The following ANO10 variants were observed in gnomAD, a reference collection of about 807,000 sequenced individuals.
The protein encoded by ANO10 is anoctamin 10, also known as anoctamin-10.
ANO10 carries 77 observed loss-of-function variants against 74.7 expected under a neutral mutation model. That is an observed-to-expected ratio of 1.03 (90% CI 0.86 to 1.25). The LOEUF is 1.25. Among genes scored for constraint, ANO10 ranks in the 50% most tolerant of loss-of-function variants. The pLI is 0.00. For synonymous variants in ANO10, 279 were observed against 284.9 expected (o/e 0.98, Z 0.21); for missense variants, 721 against 778.1 (o/e 0.93, Z 0.87).
At chr3:43,455,012 CCT>C (rs1357288840) in intron 11 of ANO10, among the ~76,000 whole-genome samples, 2 of 152,010 alleles carry the variant, frequency 1.3e-5, no homozygotes, top group African/African-American at 4.8e-5. Flanking sequence ...GAATCCAGCC[CCT>C]GAGTGTGGAG....
intron 11 of ANO10, 41 bp from the exon 12 acceptor site, chr3:43,432,768 AC>A: frequency 8.2e-7 from 1 of 1,222,344 alleles, no homozygotes; most frequent in Non-Finnish European, 1.2e-6. Context: ...GATACATCAG[AC>A]CATATATGCA....
intron 1 of ANO10, among the ~76,000 whole-genome samples, chr3:43,614,771 C>CTATATATATATATATATATATATATATA (rs61084802): frequency 9.5e-5 from 5 of 52,700 alleles, no homozygotes; most frequent in African/African-American, 1.5e-4. Context: ...GAAAACTAAA[C>CTATATATATATATATATATATATATATA]TATATATATA....
chr3:43,602,698 A>G (rs2082391102), intron 2 of ANO10, among the ~76,000 whole-genome samples: 2 of 152,176 alleles, frequency 1.3e-5, no homozygotes, highest in Non-Finnish European at 2.9e-5. Context: ...CATTTTTCTC[A>G]GATGTTTGGT....
intron 4 of ANO10, among the ~76,000 whole-genome samples, chr3:43,584,655 G>C (rs147736069): frequency 6.6e-6 from 1 of 152,210 alleles, no homozygotes; most frequent in African/African-American, 2.4e-5. Context: ...GCTGGAACCT[G>C]ACCCCAAGCA....
At chr3:43,503,485 G>A (rs1444961560) in intron 11 of ANO10, among the ~76,000 whole-genome samples, 1 of 152,138 alleles carries the variant, frequency 6.6e-6, no homozygotes, top group African/African-American at 2.4e-5. Context: ...AAAGCCACAA[G>A]GCAAGTTTAT....
rs555922302 is a variant in ANO10, at chr3:43,538,457, C to A, written c.1797+11263G>T. Among the ~76,000 whole-genome samples, 7 of 152,028 alleles carry A rather than the reference C, an allele frequency of 4.6e-5. No homozygotes were observed. In the South Asian group the frequency reaches 1.5e-3, roughly 32 times the overall value. On this transcript the variant is annotated intron_variant, in intron 11 of 12. Transcript: ENST00000292246. ...AGAAATTCAGAAAAAATTTTTAAAACGGAAATAAAACAAGTTATGTGAAAA... is the reference window on the plus strand; with the variant it reads ...AGAAATTCAGAAAAAATTTTTAAAAAGGAAATAAAACAAGTTATGTGAAAA...
chr3:43,614,132 C>T (rs2082969214), intron 1 of ANO10, among the ~76,000 whole-genome samples: 1 of 152,190 alleles, frequency 6.6e-6, no homozygotes, highest in African/African-American at 2.4e-5. Context: ...TATCTGGGGA[C>T]ACGCATCAAA....
chr3:43,652,114 G>T (rs984829284), intron 1 of ANO10, among the ~76,000 whole-genome samples: 2 of 138,348 alleles, frequency 1.4e-5, no homozygotes, highest in Admixed American at 8.3e-5. Flanking sequence ...AATCTTGGCC[G>T]CCTTTTTTTT....
rs571616072 is a variant in ANO10, at chr3:43,567,424, A to T, written c.1219-1697T>A. ...ATATGAAGGAAAAAATGTTAAGGGC[A>T]GCCACAGAGAAAGGTCGGGTTACCC... On this transcript the variant is annotated intron_variant, in intron 7 of 12. Transcript: ENST00000292246. Among the ~76,000 whole-genome samples, 112 of 152,330 alleles carry T rather than the reference A, an allele frequency of 7.4e-4. 2 individuals are homozygous for T. Among genetic ancestry groups the T allele is most frequent in the African/African-American group, 2.6e-3 (108 of 41,578 alleles).
intron 11 of ANO10, among the ~76,000 whole-genome samples, chr3:43,517,186 A>G (rs952602322): frequency 2.0e-5 from 3 of 152,242 alleles, no homozygotes; most frequent in African/African-American, 7.2e-5. Context: ...TACACAAAAC[A>G]ATTTTATTGA....
chr3:43,539,031 A>C (rs964280335), intron 11 of ANO10, among the ~76,000 whole-genome samples: 1 of 152,148 alleles, frequency 6.6e-6, no homozygotes, highest in Non-Finnish European at 1.5e-5. Context: ...ATGGGCTATA[A>C]AGTTTTCATC....
chr3:43,594,246 C>G (rs911767355), intron 4 of ANO10, among the ~76,000 whole-genome samples: 1 of 152,198 alleles, frequency 6.6e-6, no homozygotes, highest in Non-Finnish European at 1.5e-5. Context: ...GAACTCAGCT[C>G]TCCACCAAGC....
At chr3:43,367,353 G>C (rs1009491872) in intron 12 of ANO10, among the ~76,000 whole-genome samples, 15 of 152,212 alleles carry the variant, frequency 9.9e-5, no homozygotes, top group African/African-American at 3.4e-4. Flanking sequence ...GACCCTGGCA[G>C]TTTGACCTCA....
chr3:43,451,196 G>C (rs555204727), intron 11 of ANO10, among the ~76,000 whole-genome samples: 2 of 152,152 alleles, frequency 1.3e-5, no homozygotes, highest in African/African-American at 4.8e-5. Context: ...ACATGCTGCC[G>C]AGATGTCCCA....
chr3:43,580,142 CAA>C (rs546649985), intron 5 of ANO10, among the ~76,000 whole-genome samples: 68 of 72,408 alleles, frequency 9.4e-4, no homozygotes, highest in Admixed American at 1.8e-3. Flanking sequence ...GACCCTATCT[CAA>C]AAAAAAAAAA....
intron 1 of ANO10, among the ~76,000 whole-genome samples, chr3:43,677,352 C>G (rs1299821622): frequency 6.6e-6 from 1 of 152,146 alleles, no homozygotes; most frequent in Non-Finnish European, 1.5e-5. Flanking sequence ...AGTTTGAGAC[C>G]AGCCTGGCCA....
intron 1 of ANO10, chr3:43,638,904 C>G (rs2083640936): frequency 6.6e-6 from 1 of 152,372 alleles, no homozygotes; most frequent in Middle Eastern, 3.4e-3. Context: ...GGTTCTGGCT[C>G]AGAATTGATC....
intron 11 of ANO10, among the ~76,000 whole-genome samples, chr3:43,514,636 C>T (rs2077638595): frequency 6.6e-6 from 1 of 152,184 alleles, no homozygotes; most frequent in Admixed American, 6.5e-5. Flanking sequence ...ACCTAATTGT[C>T]ATTTATGGAA....
Position 43,366,762 on chromosome 3 carries a change from C to T in ANO10, c.*144G>A. On this transcript the variant is annotated 3_prime_UTR_variant, in exon 13 of 13. Transcript: ENST00000292246. ...ACTGCGAAACTGAGAAGGGTGCTTGCCACATGGGAGCCACTTCGTTTGGCT... is the reference window on the plus strand; with the variant it reads ...ACTGCGAAACTGAGAAGGGTGCTTGTCACATGGGAGCCACTTCGTTTGGCT... 1 of 825,550 alleles carries T rather than the reference C, an allele frequency of 1.2e-6. No individual in the cohort carries two copies. Among genetic ancestry groups the T allele is most frequent in the South Asian group, 1.5e-5 (1 of 68,808 alleles). The allele number at this position is 825,550 out of a possible 1,614,324, so 51.1% of individuals were successfully genotyped here. A position where few individuals can be genotyped will look rare whatever the true frequency, so the allele number is the denominator to read the frequency against.
Sources: gnomAD v4.1 joint callset for allele counts (sites outside exome capture counted in the v4.1 genomes callset) on GRCh38, gnomAD v4.1.1 for gene constraint, MANE v1.5 for transcripts, NCBI Gene and HGNC (gene_info 2026-07-23, HGNC 2026-07-21) for gene names.